Variants in SCARF2 observed in about 807,000 individuals in gnomAD.
SCARF2 encodes scavenger receptor class F member 2.
SCARF2 carries 39 observed loss-of-function variants against 73.4 expected under a neutral mutation model. That is an observed-to-expected ratio of 0.53 (90% CI 0.41 to 0.69). The LOEUF (loss-of-function observed/expected upper bound fraction) is 0.69, where lower values mean the gene tolerates loss of function less well. Among genes scored for constraint, SCARF2 ranks in the 30% least tolerant of loss-of-function variants. SCARF2 has a pLI of 0.00. For missense variants in SCARF2, 1,148 were observed against 1,303.5 expected, an observed-to-expected ratio of 0.88 and a Z score of 1.84; for synonymous variants, 605 against 590.0, an observed-to-expected ratio of 1.03 and a Z score of -0.37.
chr22:20,436,077 G>C (rs1327774555), intron 1 of SCARF2, among the ~76,000 whole-genome samples: 1 of 152,242 alleles, frequency 6.6e-6, no homozygotes, highest in Non-Finnish European at 1.5e-5. Flanking sequence ...CCCATGAGGG[G>C]GTTGTGATCA....
rs561440064 is a variant in SCARF2 at position 20,429,059 on chromosome 22, C to T, written c.1540+166G>A. Among the ~76,000 whole-genome samples, 2 of 152,272 alleles carry T rather than the reference C, an allele frequency of 1.3e-5. No homozygotes were observed. The highest frequency in any genetic ancestry group is 2.4e-5 in the African/African-American group (1 of 41,542). ...TACCTTGCCTCGCCCTCAGCAGCTG[C>T]CACACCTCTTACCTTCCCTCTGGTC... On this transcript the variant is annotated intron_variant, in intron 9 of 10. Coordinates refer to ENST00000622235, the MANE Select transcript of SCARF2 (RefSeq NM_182895.5). The surrounding 1 kb of genome is among the most constrained non-coding windows in gnomAD (Gnocchi z 5.2).
chr22:20,432,533 A>G (rs1375228133), intron 1 of SCARF2, among the ~76,000 whole-genome samples: 4 of 152,138 alleles, frequency 2.6e-5, no homozygotes, highest in African/African-American at 9.7e-5. Flanking sequence ...GGGGGGTGGC[A>G]TGTAGACACA....
chr22:20,427,456 G>A lies in SCARF2; in HGVS notation c.1635C>T (p.Ala545=), dbSNP rs1417517891. 3 of 1,614,132 alleles carry A rather than the reference G, an allele frequency of 1.9e-6. No homozygotes were observed. The highest frequency in any genetic ancestry group is 2.5e-6 in the Non-Finnish European group (3 of 1,180,054). Residue 545 remains alanine (A), a synonymous_variant, in exon 10 of 11, where the codon GCC becomes GCT. Transcript: ENST00000622235. ...CAGTGGTGTCAAACGAGGAGAAGGA[G>A]GCCCGAGAGGACCAGGATGGTGAGG... ...EQPSPSWSSR[A]SFSSFDTTDE...
At position 20,431,216 on chromosome 22, in the gene SCARF2, G is replaced by A; in HGVS notation, c.656C>T (p.Ser219Leu). ...RSCNNQCACN[S>L]SPCEQQSGRC... ...GCCGCTCTGCTGCTCGCAGGGAGAC[G>A]AGTTGCAGGCGCACTGGTTGTTGCA... The change falls in exon 4 of 11, where the codon TCG (serine) becomes TTG (leucine). Residue 219 changes from serine to leucine, a missense_variant. Ser to Leu is a moderately radical substitution (Grantham distance 145). This residue lies in a region of SCARF2 where 372 missense variants were observed against 532.0 expected (regional missense o/e 0.70). Coordinates refer to ENST00000622235, the MANE Select transcript of SCARF2 (RefSeq NM_182895.5). The A allele has an allele frequency of 6.4e-7, 1 of 1,561,402 alleles. No individual in the cohort carries two copies. The highest frequency in any genetic ancestry group is 2.3e-5 in the East Asian group (1 of 42,750).
chr22:20,431,629 C>T (rs1229884628), intron 3 of SCARF2, 92 bp from the exon 4 acceptor site: 6 of 1,541,872 alleles, frequency 3.9e-6, no homozygotes, highest in South Asian at 1.2e-5. Flanking sequence ...GCACTCCAGC[C>T]GCCACCTCTG....
intron 2 of SCARF2, 33 bp from the exon 3 acceptor site, chr22:20,431,879 T>C: frequency 6.3e-7 from 1 of 1,596,522 alleles, no homozygotes; most frequent in African/African-American, 1.3e-5. Context: ...CTGCTGCGCG[T>C]CCTAGCCCCG....
Position 20,427,480 on chromosome 22 carries a change from G to A in SCARF2, c.1611C>T (p.Pro537=). 6.2e-7 allele frequency: 1 copy of A among 1,614,132 alleles called. No individual in the cohort carries two copies. Among genetic ancestry groups the A allele is most frequent in the South Asian group, 1.1e-5 (1 of 91,082 alleles). ...AGGCCCGAGAGGACCAGGATGGTGA[G>A]GGCTGCTCCAGCCCTGAGGGTGGCT... ...FLEPPSGLEQ[P]SPSWSSRASF... Residue 537 remains proline (P), a synonymous_variant, in exon 10 of 11, where the codon CCC becomes CCT. Coordinates refer to ENST00000622235, the MANE Select transcript of SCARF2 (RefSeq NM_182895.5).
chr22:20,429,917 C>T lies in SCARF2; in HGVS notation c.1203-84G>A. The T allele has an allele frequency of 7.5e-7, 1 of 1,332,772 alleles. No homozygotes were observed. The highest frequency in any genetic ancestry group is 1.0e-6 in the Non-Finnish European group (1 of 960,776). The allele number at this position is 1,332,772 out of a possible 1,614,324, so 82.6% of individuals were successfully genotyped here. The stretch of plus-strand genomic sequence containing the variant: ...TCACCCCTCACCCGCGGCCAGGGCC[C>T]AGGGTCCAGGGTCCCAGAACCGGGC... On this transcript the variant is annotated intron_variant, in intron 6 of 10. Coordinates refer to ENST00000622235, the MANE Select transcript of SCARF2 (RefSeq NM_182895.5). The surrounding 1 kb of genome is among the most constrained non-coding windows in gnomAD (Gnocchi z 5.2).
chr22:20,433,582 G>A (rs149856808), intron 1 of SCARF2, among the ~76,000 whole-genome samples: 4 of 152,190 alleles, frequency 2.6e-5, no homozygotes, highest in Admixed American at 1.3e-4. Flanking sequence ...CCTAGGCCTC[G>A]AGGCCCCTCC....
chr22:20,437,469 G>GT, intron 1 of SCARF2, 113 bp downstream of exon 1: 1 of 1,170,086 alleles, frequency 8.5e-7, no homozygotes. Flanking sequence ...GAGCCGAAGG[G>GT]GCCCACACTT....
chr22:20,435,560 G>T (rs1341092929), intron 1 of SCARF2, among the ~76,000 whole-genome samples: 6 of 152,102 alleles, frequency 3.9e-5, no homozygotes, highest in Non-Finnish European at 8.8e-5. Flanking sequence ...CAGCTCCTCC[G>T]CCAGCCCCTC....
At position 20,430,435 on chromosome 22, in the gene SCARF2, C is replaced by A; in HGVS notation, c.1196G>T (p.Gly399Val). ...CCGGTCCCGGGGCACTCACTGGGGC[C>A]CGTGGACGCCAGGGCTGCACAGGCA... Reference protein sequence around the residue: ...GRCLCSPGVHGPHCNVTCPPG... With the variant: ...GRCLCSPGVHVPHCNVTCPPG... Residue 399 changes from glycine (G) to valine (V), a missense_variant, in exon 6 of 11, where the codon GGG becomes GTG. Gly to Val is a moderately radical substitution (Grantham distance 109, BLOSUM62 -3). This residue lies in a region of SCARF2 where 372 missense variants were observed against 532.0 expected (regional missense o/e 0.70). Coordinates refer to ENST00000622235, the MANE Select transcript of SCARF2 (RefSeq NM_182895.5). 1 of 1,589,434 alleles carries A rather than the reference C, an allele frequency of 6.3e-7. No homozygotes were observed. The highest frequency in any genetic ancestry group is 1.1e-5 in the South Asian group (1 of 88,056).
chr22:20,429,411 A>G lies in SCARF2; in HGVS notation c.1425-71T>C. 6.4e-7 allele frequency: 1 copy of G among 1,553,878 alleles called. No homozygotes were observed. Among genetic ancestry groups the G allele is most frequent in the Non-Finnish European group, 8.7e-7 (1 of 1,150,506 alleles). ...CCAGGGGCGATTAGATCTCGGCCGG[A>G]GCCAAGCACAGAAGGGGCGGGGCCA... On this transcript the variant is annotated intron_variant, in intron 8 of 10. Transcript: ENST00000622235. This position sits in a 1 kb window ranked among gnomAD's most constrained non-coding sequence, Gnocchi z 5.2.
chr22:20,435,055 C>G (rs573532033), intron 1 of SCARF2, among the ~76,000 whole-genome samples: 17 of 152,188 alleles, frequency 1.1e-4, no homozygotes, highest in Non-Finnish European at 2.4e-4. Flanking sequence ...ACTTGCAAAT[C>G]CAACTGCCCA....
chr22:20,429,211 G>A lies in SCARF2; in HGVS notation c.1540+14C>T. 6.2e-7 allele frequency: 1 copy of A among 1,613,966 alleles called. No homozygotes were observed. The highest frequency in any genetic ancestry group is 1.1e-5 in the South Asian group (1 of 91,076). On this transcript the variant is annotated intron_variant, in intron 9 of 10. Transcript: ENST00000622235. This position sits in a 1 kb window ranked among gnomAD's most constrained non-coding sequence, Gnocchi z 5.2. ...GAGGTGTTTCTCCCAGATACCCCGCGCTGTCATCCTTACCTACGACTTTGG... is the reference window on the plus strand; with the variant it reads ...GAGGTGTTTCTCCCAGATACCCCGCACTGTCATCCTTACCTACGACTTTGG...
chr22:20,425,560 A>G lies in SCARF2; in HGVS notation c.2416T>C (p.Ser806Pro). ...CGGGCGGGCGAGGCTGGCGGCACGG[A>G]GCGCTTGGCTTTCTGTGGGGGCGCC... ...KPAPPQKAKR[S>P]VPPASPARAP... is the part of the protein sequence containing the mutation. The change falls in exon 11 of 11, where the codon TCC becomes CCC. Residue 806 changes from serine to proline, a missense_variant. Coordinates refer to ENST00000622235, the MANE Select transcript of SCARF2 (RefSeq NM_182895.5). The surrounding 1 kb of genome is among the most constrained non-coding windows in gnomAD (Gnocchi z 4.6). 1 of 1,337,188 alleles carries G rather than the reference A, an allele frequency of 7.5e-7. No individual in the cohort carries two copies. The highest frequency in any genetic ancestry group is 9.5e-7 in the Non-Finnish European group (1 of 1,048,030). 82.8% of individuals were successfully genotyped at this position (1,337,188 alleles called of 1,614,324 possible).
chr22:20,427,302 G>A lies in SCARF2; in HGVS notation c.1693+96C>T, dbSNP rs2146122700. On this transcript the variant is annotated intron_variant, in intron 10 of 10. Coordinates refer to ENST00000622235, the MANE Select transcript of SCARF2 (RefSeq NM_182895.5). The stretch of plus-strand genomic sequence containing the variant: ...GCATGGCCAAGGCCTTCCTCTCCAT[G>A]CTGCCTGCCCTTCTCCTGTGTCCCA... 5 of 1,470,676 alleles carry A rather than the reference G, an allele frequency of 3.4e-6. No individual in the cohort carries two copies. In the Admixed American group the frequency reaches 7.6e-5, roughly 22 times the overall value. The allele number at this position is 1,470,676 out of a possible 1,614,324, so 91.1% of individuals were successfully genotyped here.
Position 20,425,557 on chromosome 22 carries a change from C to T in SCARF2, c.2419G>A (p.Val807Met), listed in dbSNP as rs769419311. The T allele has an allele frequency of 1.5e-6, 2 of 1,339,434 alleles. No homozygotes were observed. Among genetic ancestry groups the T allele is most frequent in the Non-Finnish European group, 1.9e-6 (2 of 1,049,076 alleles). 83.0% of individuals were successfully genotyped at this position (1,339,434 alleles called of 1,614,324 possible). Residue 807 changes from valine (V) to methionine (M), a missense_variant, in exon 11 of 11, where the codon GTG becomes ATG. This residue lies in a region of SCARF2 where 169 missense variants were observed against 136.9 expected (regional missense o/e 1.23). Transcript: ENST00000622235. The surrounding 1 kb of genome is among the most constrained non-coding windows in gnomAD (Gnocchi z 4.6). ...PAPPQKAKRS[V>M]PPASPARAPP... is the part of the protein sequence containing the mutation. ...GCGCGGGCGGGCGAGGCTGGCGGCA[C>T]GGAGCGCTTGGCTTTCTGTGGGGGC...
intron 1 of SCARF2, 78 bp downstream of exon 1, chr22:20,437,504 C>A: frequency 6.9e-7 from 1 of 1,439,852 alleles, no homozygotes. Context: ...CCGGTAGCCC[C>A]CTCCCAATGC....
Sources: gnomAD v4.1 joint callset for allele counts (sites outside exome capture counted in the v4.1 genomes callset) on GRCh38, gnomAD v4.1.1 for gene constraint, gnomAD v4.1.1 regional missense constraint, Gnocchi (gnomAD v3.1) non-coding constraint, MANE v1.5 for transcripts, NCBI Gene and HGNC (gene_info 2026-07-23, HGNC 2026-07-21) for gene names.